Variants in VWDE observed in about 807,000 individuals in gnomAD.
VWDE encodes von Willebrand factor D and EGF domain-containing protein.
In VWDE, 207 loss-of-function variants were observed where a neutral mutation model predicts 178.4. The ratio of observed to expected loss-of-function variants is 1.16; its 90% CI spans 1.04 to 1.30. VWDE has a LOEUF of 1.30. VWDE is among the 50% of genes most tolerant of loss of function. VWDE has a pLI of 0.00. For synonymous variants in VWDE, 738 were observed against 651.4 expected, an observed-to-expected ratio of 1.13 and a Z score of -2.02; for missense variants, 2,287 against 1,901.3, an observed-to-expected ratio of 1.20 and a Z score of -3.77.
chr7:12,344,585 T>C, intron 19 of VWDE, 116 bp from the exon 20 acceptor site: 1 of 744,762 alleles, frequency 1.3e-6, no homozygotes. Flanking sequence ...TAACTAATAG[T>C]CCCTCTAGAT....
rs1306120735 is a variant in VWDE, at chr7:12,380,701, C to T, written c.574G>A (p.Ala192Thr). The change falls in exon 5 of 29, where the codon GCA (alanine) becomes ACA (threonine). Residue 192 changes from alanine (A) to threonine (T), a missense_variant. Coordinates refer to ENST00000275358, the MANE Select transcript of VWDE (RefSeq NM_001135924.3). ...TCCACCAGAACCTCTGGCCTTCCTG[C>T]AGGTGGAGGTGGCAATGAGGCAGCC... ...QLAASLPPPP[A>T]GRPEVLVELI... 6.4e-7 allele frequency: 1 copy of T among 1,551,830 alleles called. No individual in the cohort carries two copies. The highest frequency in any genetic ancestry group is 8.7e-7 in the Non-Finnish European group (1 of 1,147,006).
chr7:12,351,572 C>G lies in VWDE; in HGVS notation c.3886+1G>C. 6.5e-7 allele frequency: 1 copy of G among 1,545,790 alleles called. No individual in the cohort carries two copies. On this transcript the variant is annotated splice_donor_variant, in intron 19 of 28. Transcript: ENST00000275358. LOFTEE classifies it high-confidence loss of function. ...AGATTTTAACTATGACCATTACTTACTGAAGGCATTTCCACTTGTTGGCTT... is the reference window on the plus strand; with the variant it reads ...AGATTTTAACTATGACCATTACTTAGTGAAGGCATTTCCACTTGTTGGCTT...
In VWDE at chr7:12,351,645, T is replaced by C. The variant is rs1388343839; in HGVS notation, c.3814A>G (p.Asn1272Asp). 11 of 1,550,462 alleles carry C rather than the reference T, an allele frequency of 7.1e-6. No individual in the cohort carries two copies. Among genetic ancestry groups the C allele is most frequent in the Non-Finnish European group, 9.6e-6 (11 of 1,146,456 alleles). The change falls in exon 19 of 29, where the codon AAT becomes GAT. Residue 1272 changes from asparagine (N) to aspartate (D), a missense_variant. By Grantham distance (23) the Asn-to-Asp change is conservative (BLOSUM62 1). Transcript: ENST00000275358. ...GCATTTTTATCATCCTCTTCTTTAT[T>C]TACACTTTTATCAGATCTTGTGAGA... ...VVLTRSDKSV[N>D]KEEDDKNAQG...
chr7:12,336,259 G>C (rs1347180863), intron 26 of VWDE, 23 bp from the exon 27 acceptor site: 2 of 1,543,980 alleles, frequency 1.3e-6, no homozygotes, highest in East Asian at 4.9e-5. Flanking sequence ...ATATAAACAA[G>C]TTAAAATTTT....
At chr7:12,381,293 G>A (rs901397934) in intron 4 of VWDE, among the ~76,000 whole-genome samples, 4 of 152,036 alleles carry the variant, frequency 2.6e-5, no homozygotes, top group Non-Finnish European at 5.9e-5. Context: ...GAACTCACAG[G>A]AAAATTTTAT....
In VWDE at chr7:12,368,389, G is replaced by C. The variant is rs1476138699; in HGVS notation, c.2762-896C>G. Among the ~76,000 whole-genome samples, 3 of 151,996 alleles carry C rather than the reference G, an allele frequency of 2.0e-5. No individual in the cohort carries two copies. In the East Asian group the frequency reaches 5.8e-4, roughly 29 times the overall value. On this transcript the variant is annotated intron_variant, in intron 12 of 28. Coordinates refer to ENST00000275358, the MANE Select transcript of VWDE (RefSeq NM_001135924.3). ...TTTGAATGACCACAGAGGATTTTCT[G>C]ATAGTATGACATTTGAACAGAGAAG...
At chr7:12,367,176 T>G (rs1043112002) in intron 13 of VWDE, among the ~76,000 whole-genome samples, 181 bp downstream of exon 13, 1 of 152,066 alleles carries the variant, frequency 6.6e-6, no homozygotes, top group African/African-American at 2.4e-5. Flanking sequence ...TTATAAGATA[T>G]TTTAATAAAG....
chr7:12,396,797 T>G (rs1784646827), intron 1 of VWDE, among the ~76,000 whole-genome samples: 1 of 150,708 alleles, frequency 6.6e-6, no homozygotes, highest in Non-Finnish European at 1.5e-5. Flanking sequence ...CAGCCAGGTG[T>G]TGTGGTGCAT....
chr7:12,346,383 T>C (rs2128548286), intron 19 of VWDE, among the ~76,000 whole-genome samples: 1 of 152,142 alleles, frequency 6.6e-6, no homozygotes, highest in East Asian at 1.9e-4. Context: ...ACAAGAGTGA[T>C]AAATATAAAA....
At chr7:12,362,327 T>C (rs1482067016) in intron 13 of VWDE, among the ~76,000 whole-genome samples, 1 of 152,124 alleles carries the variant, frequency 6.6e-6, no homozygotes, top group African/African-American at 2.4e-5. Flanking sequence ...TACTTTCTTA[T>C]TCTTGATTCT....
intron 23 of VWDE, among the ~76,000 whole-genome samples, chr7:12,341,842 T>G (rs1479348893): frequency 1.3e-5 from 2 of 152,096 alleles, no homozygotes; most frequent in Non-Finnish European, 2.9e-5. Context: ...ATTGGTTGGT[T>G]AAGATAACAG....
chr7:12,342,855 C>A (rs1424800666), intron 22 of VWDE, among the ~76,000 whole-genome samples: 1 of 150,694 alleles, frequency 6.6e-6, no homozygotes, highest in Non-Finnish European at 1.5e-5. Context: ...ACAACAGTCC[C>A]CAGAGTGTGA....
chr7:12,355,857 T>C (rs1782215134), intron 18 of VWDE, among the ~76,000 whole-genome samples: 1 of 152,180 alleles, frequency 6.6e-6, no homozygotes, highest in Non-Finnish European at 1.5e-5. Flanking sequence ...CAGGTAGGAA[T>C]GTTTAGGAAC....
chr7:12,361,106 C>T (rs1164607482), intron 15 of VWDE, 41 bp downstream of exon 15: 35 of 1,246,410 alleles, frequency 2.8e-5, no homozygotes, highest in Non-Finnish European at 3.7e-5. Flanking sequence ...AATGAAAATA[C>T]CTATGATGTA....
chr7:12,359,988 C>T (rs965283544), intron 15 of VWDE, among the ~76,000 whole-genome samples: 1 of 152,072 alleles, frequency 6.6e-6, no homozygotes, highest in Non-Finnish European at 1.5e-5. Flanking sequence ...TTTTTCACTG[C>T]TAAACTCATC....
rs1235933160 is a variant in VWDE at position 12,373,005 on chromosome 7, C to T, written c.1559G>A (p.Ser520Asn). 4.5e-6 allele frequency: 7 copies of T among 1,550,998 alleles called. No homozygotes were observed. The East Asian group carries it at 1.5e-4, about 32-fold the overall frequency. Residue 520 changes from serine (S) to asparagine (N), a missense_variant, in exon 10 of 29, where the codon AGT (serine) becomes AAT (asparagine). Transcript: ENST00000275358. Reference sequence around the variant, plus strand: ...GACTTTTCTTCCTAAGTAAGATTCACTTATCTTGATATTCCTGGTTACATC... The same window carrying T: ...GACTTTTCTTCCTAAGTAAGATTCATTTATCTTGATATTCCTGGTTACATC... ...SQDVTRNIKISESYLGRKVTI... is the reference protein window; with the variant it reads ...SQDVTRNIKINESYLGRKVTI...
intron 8 of VWDE, 111 bp from the exon 9 acceptor site, chr7:12,374,873 T>C (rs1305289313): frequency 7.8e-6 from 9 of 1,153,298 alleles, no homozygotes; most frequent in Admixed American, 2.8e-5. Context: ...GTTTTTATCA[T>C]AGTTATTGAA....
At chr7:12,396,364 C>A (rs1230516353) in intron 1 of VWDE, among the ~76,000 whole-genome samples, 1 of 151,936 alleles carries the variant, frequency 6.6e-6, no homozygotes, top group Non-Finnish European at 1.5e-5. Flanking sequence ...CATGCATAAC[C>A]CTTGGTGACA....
chr7:12,366,022 G>C (rs1220762524), intron 13 of VWDE, among the ~76,000 whole-genome samples: 2 of 152,010 alleles, frequency 1.3e-5, no homozygotes, highest in Non-Finnish European at 2.9e-5. Flanking sequence ...AAATTCTCAT[G>C]AGATCTCGAT....
Sources: allele counts gnomAD v4.1 joint callset (sites outside exome capture counted in the v4.1 genomes callset), GRCh38; gene constraint gnomAD v4.1.1; transcripts MANE v1.5; gene names NCBI Gene and HGNC (gene_info 2026-07-23, HGNC 2026-07-21).